Variants in GLIS3 observed in about 807,000 individuals in gnomAD.
The protein encoded by GLIS3 is zinc finger protein GLIS3.
In GLIS3, 53 loss-of-function variants were observed where a neutral mutation model predicts 78.6. That is an observed-to-expected ratio of 0.67 (90% CI 0.54 to 0.85). The LOEUF is 0.85. Among genes scored for constraint, GLIS3 ranks in the 40% least tolerant of loss-of-function variants. The pLI is 0.00. For missense variants in GLIS3, 1,703 were observed against 1,231.1 expected (o/e 1.38, Z -5.74); for synonymous variants, 684 against 509.9 (o/e 1.34, Z -4.60).
At chr9:4,410,778 G>A in the GLIS3 span, among the ~76,000 whole-genome samples, 1 of 152,130 alleles carries the variant, frequency 6.6e-6, no homozygotes, top group African/African-American at 2.4e-5. Context: ...ATATTTAACT[G>A]CCAGCCAAAG....
chr9:3,846,281 A>C (rs1022893989), intron 9 of GLIS3, among the ~76,000 whole-genome samples: 3 of 152,200 alleles, frequency 2.0e-5, no homozygotes, highest in African/African-American at 7.2e-5. Context: ...ACCACCACAA[A>C]GTATGATTGT....
At chr9:4,043,184 T>C (rs986025834) in intron 4 of GLIS3, among the ~76,000 whole-genome samples, 4 of 152,184 alleles carry the variant, frequency 2.6e-5, no homozygotes, top group Non-Finnish European at 2.9e-5. Context: ...CCTTTAAGCA[T>C]CCATTTGTTC....
intron 2 of GLIS3, among the ~76,000 whole-genome samples, chr9:4,255,522 T>G (rs1305878251): frequency 6.6e-6 from 1 of 152,184 alleles, no homozygotes; most frequent in Non-Finnish European, 1.5e-5. Context: ...AATGGAATAT[T>G]ATTCAGTGCT....
At chr9:4,050,292 T>C (rs1207470382) in intron 4 of GLIS3, among the ~76,000 whole-genome samples, 2 of 152,160 alleles carry the variant, frequency 1.3e-5, no homozygotes, top group Non-Finnish European at 2.9e-5. Flanking sequence ...TTCATGTCCT[T>C]TGCAGGGACA....
At chr9:3,850,693 A>G (rs1487089393) in intron 9 of GLIS3, among the ~76,000 whole-genome samples, 1 of 152,198 alleles carries the variant, frequency 6.6e-6, no homozygotes, top group Non-Finnish European at 1.5e-5. Context: ...AGCATGGCAC[A>G]AAACCCTTCG....
chr9:4,370,736 G>C, the GLIS3 span, among the ~76,000 whole-genome samples: 2 of 151,120 alleles, frequency 1.3e-5, no homozygotes, highest in Non-Finnish European at 2.9e-5. Context: ...ATTAAATTTA[G>C]CATAGTATTA....
intron 6 of GLIS3, among the ~76,000 whole-genome samples, chr9:3,915,124 C>G (rs1016443320): frequency 2.6e-5 from 4 of 152,122 alleles, no homozygotes; most frequent in Non-Finnish European, 4.4e-5. Flanking sequence ...GGGTGAAGCC[C>G]AAGACAGGGA....
chr9:4,058,085 T>C (rs1386796006), intron 4 of GLIS3, among the ~76,000 whole-genome samples: 1 of 152,208 alleles, frequency 6.6e-6, no homozygotes, highest in Non-Finnish European at 1.5e-5. Context: ...CATCCCCTGA[T>C]GCATGGATTG....
chr9:4,106,224 C>T (rs1469254473), intron 4 of GLIS3, among the ~76,000 whole-genome samples: 2 of 152,156 alleles, frequency 1.3e-5, no homozygotes, highest in South Asian at 4.1e-4. Context: ...CTGGAAAGCA[C>T]TCCATGTGTT....
upstream of GLIS3, among the ~76,000 whole-genome samples, chr9:4,349,574 C>T (rs1738056233): frequency 6.6e-6 from 1 of 152,060 alleles, no homozygotes; most frequent in South Asian, 2.1e-4. Context: ...CCTAACAAAA[C>T]TTTGTTAATT....
At chr9:4,455,321 A>G in the GLIS3 span, among the ~76,000 whole-genome samples, 1 of 152,216 alleles carries the variant, frequency 6.6e-6, no homozygotes, top group African/African-American at 2.4e-5. Context: ...CACTCTTTGT[A>G]GACAACTAAA....
the GLIS3 span, among the ~76,000 whole-genome samples, chr9:4,407,378 G>A: frequency 6.6e-6 from 1 of 152,264 alleles, no homozygotes; most frequent in Non-Finnish European, 1.5e-5. Flanking sequence ...GGGCAAGGTG[G>A]CTCACACCTG....
chr9:4,094,409 CTAAA>C (rs1683519168), intron 4 of GLIS3, among the ~76,000 whole-genome samples: 2 of 152,184 alleles, frequency 1.3e-5, no homozygotes, highest in South Asian at 4.1e-4. Context: ...TTTTTTTACT[CTAAA>C]TAAAATATAC....
chr9:4,236,844 A>C (rs1186533993), intron 2 of GLIS3, among the ~76,000 whole-genome samples: 1 of 152,188 alleles, frequency 6.6e-6, no homozygotes, highest in Non-Finnish European at 1.5e-5. Context: ...AATCCTTCCA[A>C]CTGAGACTAA....
intron 4 of GLIS3, among the ~76,000 whole-genome samples, chr9:3,941,249 A>G (rs1010949159): frequency 1.1e-4 from 17 of 152,354 alleles, no homozygotes; most frequent in Middle Eastern, 6.8e-3. Context: ...ACTAGCAACC[A>G]TCCTAGGATG....
chr9:3,922,027 A>G (rs1824924891), intron 6 of GLIS3, among the ~76,000 whole-genome samples: 1 of 152,144 alleles, frequency 6.6e-6, no homozygotes, highest in Non-Finnish European at 1.5e-5. Context: ...ACTGTTACAA[A>G]TTTTGGGGAA....
chr9:4,070,281 A>T (rs1230703556), intron 4 of GLIS3, among the ~76,000 whole-genome samples: 4 of 152,140 alleles, frequency 2.6e-5, no homozygotes, highest in Non-Finnish European at 5.9e-5. Context: ...GGGGATAATG[A>T]TTTAATGGAT....
chr9:4,332,620 G>A (rs561978982), intron 2 of GLIS3, among the ~76,000 whole-genome samples: 2 of 152,124 alleles, frequency 1.3e-5, no homozygotes, highest in African/African-American at 4.8e-5. Context: ...GCCTTCTTAG[G>A]GCAGACAACA....
the GLIS3 span, among the ~76,000 whole-genome samples, chr9:4,485,923 A>G: frequency 6.6e-6 from 1 of 151,974 alleles, no homozygotes; most frequent in Non-Finnish European, 1.5e-5. Flanking sequence ...GCGTTTCACT[A>G]TGTTGGCCAG....
Sources: gnomAD v4.1 joint callset for allele counts (sites outside exome capture counted in the v4.1 genomes callset) on GRCh38, gnomAD v4.1.1 for gene constraint, MANE v1.5 for transcripts, NCBI Gene and HGNC (gene_info 2026-07-23, HGNC 2026-07-21) for gene names.